Variants in TRAPPC9 observed in about 807,000 individuals in gnomAD.
The protein encoded by TRAPPC9 is trafficking protein particle complex subunit 9, also known as IKK2 binding protein.
Under a neutral mutation model 124.0 loss-of-function variants are expected in TRAPPC9, and 83 were observed. The ratio of observed to expected loss-of-function variants is 0.67; its 90% CI spans 0.56 to 0.80. The LOEUF is 0.80. TRAPPC9 is among the 30% of genes least tolerant of loss of function. The pLI, the probability that TRAPPC9 is intolerant of heterozygous loss-of-function variation, is 0.00. For synonymous variants in TRAPPC9, 638 were observed against 617.5 expected (o/e 1.03, Z -0.49); for missense variants, 1,302 against 1,508.3 (o/e 0.86, Z 2.27).
chr8:140,067,024 G>A (rs745797786), intron 17 of TRAPPC9, among the ~76,000 whole-genome samples: 1 of 152,168 alleles, frequency 6.6e-6, no homozygotes, highest in African/African-American at 2.4e-5. Context: ...TAGGGTAAAC[G>A]TATTTCCTCT....
At chr8:139,813,285 G>A (rs1824570626) in intron 21 of TRAPPC9, among the ~76,000 whole-genome samples, 1 of 152,226 alleles carries the variant, frequency 6.6e-6, no homozygotes, top group Admixed American at 6.5e-5. Context: ...GTCATGACAA[G>A]GCACCTGCTG....
At chr8:140,117,954 A>G (rs990586917) in intron 17 of TRAPPC9, among the ~76,000 whole-genome samples, 2 of 152,232 alleles carry the variant, frequency 1.3e-5, no homozygotes, top group Admixed American at 6.5e-5. Context: ...TGCATTTGTA[A>G]TTTACCTCTC....
intron 19 of TRAPPC9, among the ~76,000 whole-genome samples, chr8:139,948,736 A>G (rs1209109122): frequency 6.6e-6 from 1 of 152,180 alleles, no homozygotes; most frequent in African/African-American, 2.4e-5. Flanking sequence ...AGCCTTTCCC[A>G]TTATCAGGGT....
At chr8:140,288,426 A>G (rs1308184159) in intron 12 of TRAPPC9, among the ~76,000 whole-genome samples, 1 of 152,236 alleles carries the variant, frequency 6.6e-6, no homozygotes, top group Non-Finnish European at 1.5e-5. Context: ...GGTATGTACT[A>G]AGCTTACTAG....
intron 17 of TRAPPC9, among the ~76,000 whole-genome samples, chr8:140,200,349 G>A (rs2062759168): frequency 6.6e-6 from 1 of 152,082 alleles, no homozygotes; most frequent in Admixed American, 6.6e-5. Context: ...CCACCAGAAG[G>A]GGGAGCTCAG....
intron 8 of TRAPPC9, among the ~76,000 whole-genome samples, chr8:140,360,907 T>C (rs2067934522): frequency 6.6e-6 from 1 of 152,162 alleles, no homozygotes; most frequent in Non-Finnish European, 1.5e-5. Context: ...CCAACTACTT[T>C]TTTTTTTCCA....
At chr8:139,977,729 G>A (rs2131642195) in intron 19 of TRAPPC9, among the ~76,000 whole-genome samples, 1 of 151,666 alleles carries the variant, frequency 6.6e-6, no homozygotes, top group South Asian at 2.1e-4. Flanking sequence ...TGCCCAGGCT[G>A]GAGTGCAGTG....
intron 17 of TRAPPC9, among the ~76,000 whole-genome samples, chr8:140,206,774 T>TATATATATATATATATATATATATATA (rs1294158701): frequency 1.3e-5 from 2 of 151,724 alleles, no homozygotes; most frequent in African/African-American, 4.9e-5. Context: ...TATATATATA[T>TATATATATATATATATATATATATATA]TTAAAAAGCC....
intron 17 of TRAPPC9, among the ~76,000 whole-genome samples, chr8:140,131,434 T>C (rs2061206699): frequency 6.6e-6 from 1 of 152,198 alleles, no homozygotes; most frequent in South Asian, 2.1e-4. Context: ...CTCATAGACA[T>C]AGTTCATCTG....
intron 17 of TRAPPC9, among the ~76,000 whole-genome samples, chr8:140,131,611 C>G (rs919416988): frequency 6.6e-6 from 1 of 152,196 alleles, no homozygotes; most frequent in Admixed American, 6.5e-5. Flanking sequence ...CGGCCCCGTC[C>G]TAGACAACCC....
chr8:140,053,015 C>A (rs1352821632), intron 17 of TRAPPC9, among the ~76,000 whole-genome samples: 1 of 152,118 alleles, frequency 6.6e-6, no homozygotes, highest in African/African-American at 2.4e-5. Flanking sequence ...TGACCCCCAA[C>A]TGACACTACT....
intron 17 of TRAPPC9, among the ~76,000 whole-genome samples, chr8:140,120,862 CATTCATCCATCCATT>C (rs1374507679): frequency 6.6e-6 from 1 of 152,036 alleles, no homozygotes. Flanking sequence ...ATCCATCCAA[CATTCATCCATCCATT>C]CATCCAACAT....
chr8:140,046,730 C>T (rs1204199404), intron 17 of TRAPPC9, among the ~76,000 whole-genome samples: 3 of 152,284 alleles, frequency 2.0e-5, no homozygotes, highest in Admixed American at 1.3e-4. Flanking sequence ...ATGCCCCATA[C>T]CCCTTTTCTA....
intron 6 of TRAPPC9, among the ~76,000 whole-genome samples, chr8:140,403,848 G>T (rs1313578307): frequency 1.3e-5 from 2 of 152,062 alleles, no homozygotes; most frequent in South Asian, 4.2e-4. Flanking sequence ...AGTAGAGACA[G>T]GGTTTCACCA....
At position 140,158,068 on chromosome 8, in the gene TRAPPC9, C is replaced by T. The variant is rs58494862; in HGVS notation, c.2556+63391G>A. Among the ~76,000 whole-genome samples the T allele has an allele frequency of 6.3e-3, 958 of 152,202 alleles. 8 individuals are homozygous for T. The highest frequency in any genetic ancestry group is 0.021 in the African/African-American group (882 of 41,510). ...GATAACCCTGGTATTATAAATAATG[C>T]TATAACAGATAACCTAATATATACA... On this transcript the variant is annotated intron_variant, in intron 17 of 22. Coordinates refer to ENST00000438773, the MANE Select transcript of TRAPPC9 (RefSeq NM_001160372.4).
chr8:139,845,116 G>A (rs1359152137), intron 21 of TRAPPC9, among the ~76,000 whole-genome samples: 1 of 152,252 alleles, frequency 6.6e-6, no homozygotes, highest in African/African-American at 2.4e-5. Context: ...AGCTAAGGAT[G>A]ATGTCGCCTT....
chr8:139,881,570 T>C (rs997937211), intron 21 of TRAPPC9, among the ~76,000 whole-genome samples: 2 of 152,148 alleles, frequency 1.3e-5, no homozygotes, highest in Admixed American at 6.5e-5. Flanking sequence ...ATGACTGTCC[T>C]CAGATGGCTG....
At chr8:140,195,349 A>G (rs980428958) in intron 17 of TRAPPC9, among the ~76,000 whole-genome samples, 3 of 152,080 alleles carry the variant, frequency 2.0e-5, no homozygotes, top group Non-Finnish European at 4.4e-5. Flanking sequence ...AAACACACTC[A>G]ATGATCCACT....
At chr8:140,382,676 T>A (rs1588253473) in intron 7 of TRAPPC9, among the ~76,000 whole-genome samples, 1 of 151,948 alleles carries the variant, frequency 6.6e-6, no homozygotes, top group Admixed American at 6.6e-5. Context: ...TTGAACTGGG[T>A]GGAGCCCAAC....
Sources: gnomAD v4.1 joint callset for allele counts (sites outside exome capture counted in the v4.1 genomes callset) on GRCh38, gnomAD v4.1.1 for gene constraint, MANE v1.5 for transcripts, NCBI Gene and HGNC (gene_info 2026-07-23, HGNC 2026-07-21) for gene names.